Variants in CYTH3 observed in about 807,000 individuals in gnomAD.
The protein encoded by CYTH3 is cytohesin-3.
Under a neutral mutation model 55.1 loss-of-function variants are expected in CYTH3, and 23 were observed. The observed-to-expected ratio is 0.42, with a 90% CI of 0.30 to 0.59. CYTH3 has a LOEUF of 0.59. Among genes scored for constraint, CYTH3 ranks in the 20% least tolerant of loss-of-function variants. CYTH3 has a pLI of 0.20. For missense variants in CYTH3, 413 were observed against 524.8 expected, an observed-to-expected ratio of 0.79 and a Z score of 2.08; for synonymous variants, 249 against 194.9, an observed-to-expected ratio of 1.28 and a Z score of -2.31.
Position 6,186,990 on chromosome 7 carries a change from G to A in CYTH3, c.249+60C>T, listed in dbSNP as rs890992809. The A allele has an allele frequency of 1.0e-5, 16 of 1,536,948 alleles. No homozygotes were observed. The Middle Eastern group carries it at 6.7e-4, about 65-fold the overall frequency. The stretch of plus-strand genomic sequence containing the variant: ...TCTGACCTCTGTCCAAAAGGGAAAC[G>A]GCAGTTCAAATCAATTAGTCCATCT... On this transcript the variant is annotated intron_variant, in intron 4 of 12. Transcript: ENST00000350796.
intron 1 of CYTH3, among the ~76,000 whole-genome samples, chr7:6,192,106 T>A (rs767622394): frequency 2.6e-5 from 4 of 152,124 alleles, no homozygotes; most frequent in Admixed American, 6.6e-5. Context: ...AAAAAAAAAT[T>A]AATAAATAAA....
intron 1 of CYTH3, among the ~76,000 whole-genome samples, chr7:6,201,904 G>A (rs1467249388): frequency 6.6e-6 from 1 of 152,048 alleles, no homozygotes; most frequent in East Asian, 1.9e-4. Context: ...TCCAAAAAAA[G>A]GCAAGGAAAG....
intron 1 of CYTH3, among the ~76,000 whole-genome samples, chr7:6,238,909 A>AAAT (rs763477086): frequency 1.7e-4 from 26 of 151,486 alleles, no homozygotes; most frequent in Non-Finnish European, 2.9e-4. Flanking sequence ...TCCAGGTTAA[A>AAAT]AATAATAATA....
At chr7:6,191,588 G>C (rs1783805498) in intron 1 of CYTH3, among the ~76,000 whole-genome samples, 1 of 145,902 alleles carries the variant, frequency 6.9e-6, no homozygotes. Flanking sequence ...GGGTAGGGAA[G>C]GACTTTTTTT....
intron 1 of CYTH3, among the ~76,000 whole-genome samples, chr7:6,211,129 G>C (rs993726987): frequency 2.0e-5 from 3 of 151,976 alleles, no homozygotes; most frequent in Non-Finnish European, 2.9e-5. Context: ...TCCCTGATCC[G>C]ACCCCATCTG....
chr7:6,201,779 T>C (rs1018726500), intron 1 of CYTH3, among the ~76,000 whole-genome samples: 15 of 152,150 alleles, frequency 9.9e-5, no homozygotes, highest in African/African-American at 2.9e-4. Flanking sequence ...TGATTAACTT[T>C]AGACTTGTCA....
chr7:6,218,581 A>G (rs1232349525), intron 1 of CYTH3, among the ~76,000 whole-genome samples: 1 of 152,240 alleles, frequency 6.6e-6, no homozygotes, highest in African/African-American at 2.4e-5. Flanking sequence ...ACTAGGGTGC[A>G]GCTATAACAA....
chr7:6,171,489 C>T lies in CYTH3; in HGVS notation c.450-175G>A, dbSNP rs1381806119. 1.3e-5 allele frequency among the ~76,000 whole-genome samples: 2 copies of T among 152,136 alleles called. No individual in the cohort carries two copies. The highest frequency in any genetic ancestry group is 2.4e-5 in the African/African-American group (1 of 41,408). On this transcript the variant is annotated intron_variant, in intron 6 of 12. Transcript: ENST00000350796. This position sits in a 1 kb window ranked among gnomAD's most constrained non-coding sequence, Gnocchi z 6.7. Reference sequence around the variant, plus strand: ...GAGAAGACCCAGGACAGTCTCCTTCCGTTCCATAACTCGAGACACGCTTAC... The same window carrying T: ...GAGAAGACCCAGGACAGTCTCCTTCTGTTCCATAACTCGAGACACGCTTAC...
At chr7:6,272,391 G>T (rs1485903287) in intron 1 of CYTH3, 83 bp downstream of exon 1, 5 of 1,191,028 alleles carry the variant, frequency 4.2e-6, no homozygotes, top group Middle Eastern at 3.4e-4. Flanking sequence ...GGCGAACCCC[G>T]GCCCAGCGCC....
At chr7:6,168,432 G>A (rs1412018638) in intron 9 of CYTH3, among the ~76,000 whole-genome samples, 2 of 151,982 alleles carry the variant, frequency 1.3e-5, no homozygotes, top group East Asian at 1.9e-4. Flanking sequence ...CTGGAAGCAC[G>A]TTCTAGATCC....
chr7:6,268,818 T>C (rs1780576366), intron 1 of CYTH3, among the ~76,000 whole-genome samples: 1 of 151,814 alleles, frequency 6.6e-6, no homozygotes, highest in East Asian at 1.9e-4. Flanking sequence ...GAATCTGATA[T>C]AGAGGGAATT....
At chr7:6,176,645 T>C (rs1185711453) in intron 5 of CYTH3, among the ~76,000 whole-genome samples, 1 of 152,252 alleles carries the variant, frequency 6.6e-6, no homozygotes, top group Non-Finnish European at 1.5e-5. Context: ...CCTTAGGATA[T>C]TCTATATATA....
At chr7:6,231,778 T>A (rs1214106972) in intron 1 of CYTH3, among the ~76,000 whole-genome samples, 1 of 152,180 alleles carries the variant, frequency 6.6e-6, no homozygotes, top group East Asian at 1.9e-4. Flanking sequence ...GGATCCCATT[T>A]ATAATTGGAA....
At chr7:6,187,516 A>T (rs1399099443) in intron 3 of CYTH3, 141 bp downstream of exon 3, 2 of 750,388 alleles carry the variant, frequency 2.7e-6, no homozygotes, top group Admixed American at 4.0e-5. Flanking sequence ...CACGCAGAGT[A>T]GGGGGAGAGG....
rs146889759 is a variant in CYTH3, at chr7:6,240,683, ACTC to A, written c.34+31788_34+31790del. 6.1e-3 allele frequency among the ~76,000 whole-genome samples: 934 copies of A among 152,322 alleles called. 8 individuals carry two copies. Among genetic ancestry groups the A allele is most frequent in the African/African-American group, 0.021 (885 of 41,574 alleles). On this transcript the variant is annotated intron_variant, in intron 1 of 12. Coordinates refer to ENST00000350796, the MANE Select transcript of CYTH3 (RefSeq NM_004227.4). ...TACCTCACGCCACACATCAGAATAA[ACTC>A]CAAACAATTCAAAGATTTAAATGTA...
In CYTH3 at chr7:6,236,801, G is replaced by A. The variant is rs180837588; in HGVS notation, c.34+35673C>T. Among the ~76,000 whole-genome samples the A allele has an allele frequency of 1.9e-3, 295 of 151,410 alleles. 1 individual carries two copies. The highest frequency in any genetic ancestry group is 6.5e-3 in the African/African-American group (268 of 41,226). On this transcript the variant is annotated intron_variant, in intron 1 of 12. Coordinates refer to ENST00000350796, the MANE Select transcript of CYTH3 (RefSeq NM_004227.4). ...TGGTCTTGAACTCCTGACCTCAAGT[G>A]ATCCACCCGCCTCAGTCTCCCAAAG...
Position 6,170,750 on chromosome 7 carries a change from T to C in CYTH3, c.711+80A>G. On this transcript the variant is annotated intron_variant, in intron 8 of 12. Coordinates refer to ENST00000350796, the MANE Select transcript of CYTH3 (RefSeq NM_004227.4). The surrounding 1 kb of genome is among the most constrained non-coding windows in gnomAD (Gnocchi z 7.8). ...GGGCGGCAAGGAGGCTTGGGAGGCG[T>C]GTCTAGAGCCGCGGGCGCTGCGGCC... 6.4e-7 allele frequency: 1 copy of C among 1,565,904 alleles called. No individual in the cohort carries two copies. Among genetic ancestry groups the C allele is most frequent in the African/African-American group, 1.4e-5 (1 of 73,756 alleles).
intron 1 of CYTH3, among the ~76,000 whole-genome samples, chr7:6,265,014 A>C (rs1780450953): frequency 6.6e-6 from 1 of 152,226 alleles, no homozygotes; most frequent in African/African-American, 2.4e-5. Context: ...TGAATGAAGC[A>C]AGGATACACC....
chr7:6,185,122 A>G (rs1312607716), intron 4 of CYTH3, among the ~76,000 whole-genome samples: 1 of 152,238 alleles, frequency 6.6e-6, no homozygotes, highest in African/African-American at 2.4e-5. Flanking sequence ...TACCCAAAAT[A>G]TCAAATCATT....
Sources: gnomAD v4.1 joint callset for allele counts (sites outside exome capture counted in the v4.1 genomes callset) on GRCh38, gnomAD v4.1.1 for gene constraint, Gnocchi (gnomAD v3.1) non-coding constraint, MANE v1.5 for transcripts, NCBI Gene and HGNC (gene_info 2026-07-23, HGNC 2026-07-21) for gene names.